Variants in ELP4 observed in about 807,000 individuals in gnomAD.
The protein encoded by ELP4 is elongator complex protein 4.
In ELP4, 51 loss-of-function variants were observed where a neutral mutation model predicts 48.9. The observed-to-expected ratio is 1.04, with a 90% CI of 0.83 to 1.32. The LOEUF is 1.32. Ranked by LOEUF, ELP4 falls within the 40% of genes most tolerant of loss-of-function variation. The pLI is 0.00. For missense variants in ELP4, 519 were observed against 514.6 expected (o/e 1.01, Z -0.08); for synonymous variants, 210 against 189.2 (o/e 1.11, Z -0.90).
chr11:31,660,169 T>C (rs1052257405), intron 9 of ELP4, among the ~76,000 whole-genome samples: 2 of 152,182 alleles, frequency 1.3e-5, no homozygotes, highest in Admixed American at 6.6e-5. Flanking sequence ...AAGGCATTAT[T>C]ATAGTGTAGA....
intron 9 of ELP4, among the ~76,000 whole-genome samples, chr11:31,701,289 T>G (rs550623785): frequency 1.3e-5 from 2 of 152,280 alleles, no homozygotes; most frequent in South Asian, 4.1e-4. Flanking sequence ...AAAGTCCATT[T>G]TGAGGACTTA....
rs183466749 is a variant in ELP4 at position 31,559,844 on chromosome 11, G to A, written c.381+20061G>A. Among the ~76,000 whole-genome samples the A allele has an allele frequency of 2.3e-3, 355 of 151,382 alleles. 2 individuals carry two copies. Among genetic ancestry groups the A allele is most frequent in the Non-Finnish European group, 3.8e-3 (259 of 67,838 alleles). ...CTTGAATCCAGGAGGCAGAGGTTGC[G>A]GCGAGCTGAGATTGCGCCATTGCAC... On this transcript the variant is annotated intron_variant, in intron 3 of 9. Coordinates refer to ENST00000640961, the MANE Select transcript of ELP4 (RefSeq NM_019040.5).
At chr11:31,548,639 A>G (rs1445773206) in intron 3 of ELP4, among the ~76,000 whole-genome samples, 2 of 152,314 alleles carry the variant, frequency 1.3e-5, no homozygotes, top group Non-Finnish European at 2.9e-5. Flanking sequence ...AAACTACTTT[A>G]AAGTTCATAT....
chr11:31,781,249 A>G (rs757391801), intron 9 of ELP4, among the ~76,000 whole-genome samples: 2 of 152,164 alleles, frequency 1.3e-5, no homozygotes, highest in Non-Finnish European at 2.9e-5. Context: ...AAGTATATAC[A>G]TGCACGTTTC....
chr11:31,648,681 T>A (rs563074946), intron 8 of ELP4: 19 of 151,738 alleles, frequency 1.3e-4, no homozygotes, highest in African/African-American at 4.1e-4. Context: ...TGAAGCCTGC[T>A]ACCAGATTTT....
Position 31,516,834 on chromosome 11 carries a change from T to A in ELP4, c.224-3222T>A, listed in dbSNP as rs149504034. ...CTATCATGATGTACATTTCAGCTTA[T>A]GTTTATCTTTTCATCTGAAGATAAA... On this transcript the variant is annotated intron_variant, in intron 1 of 9. Transcript: ENST00000640961. 6.9e-3 allele frequency among the ~76,000 whole-genome samples: 1,045 copies of A among 152,294 alleles called. 15 individuals carry two copies. Among genetic ancestry groups the A allele is most frequent in the African/African-American group, 0.022 (904 of 41,572 alleles).
Position 31,618,298 on chromosome 11 carries a change from C to A in ELP4, c.654-8812C>A, listed in dbSNP as rs541964587. Among the ~76,000 whole-genome samples the A allele has an allele frequency of 3.3e-5, 5 of 152,194 alleles. No individual in the cohort carries two copies. The East Asian group carries it at 9.7e-4, about 29-fold the overall frequency. On this transcript the variant is annotated intron_variant, in intron 5 of 9. Coordinates refer to ENST00000640961, the MANE Select transcript of ELP4 (RefSeq NM_019040.5). ...ATGTATAAACAATAGAAATTTATTT[C>A]TCATAGTTCTGAAAGTTTGAAAGCC...
chr11:31,536,099 T>C (rs1337960653), intron 2 of ELP4, among the ~76,000 whole-genome samples: 1 of 152,208 alleles, frequency 6.6e-6, no homozygotes, highest in Non-Finnish European at 1.5e-5. Context: ...AGTTTATTTC[T>C]TTTTATTGCT....
At chr11:31,554,826 A>G (rs543713940) in intron 3 of ELP4, among the ~76,000 whole-genome samples, 1 of 152,266 alleles carries the variant, frequency 6.6e-6, no homozygotes, top group African/African-American at 2.4e-5. Flanking sequence ...ATTATGCTTT[A>G]TCTTGTGCAT....
At chr11:31,636,574 A>C (rs1944981416) in intron 7 of ELP4, among the ~76,000 whole-genome samples, 1 of 151,984 alleles carries the variant, frequency 6.6e-6, no homozygotes, top group South Asian at 2.1e-4. Flanking sequence ...ATAGTTAAGG[A>C]AATTGCAAAG....
intron 9 of ELP4, among the ~76,000 whole-genome samples, chr11:31,733,922 A>G (rs1391658746): frequency 1.3e-5 from 2 of 152,188 alleles, no homozygotes; most frequent in Non-Finnish European, 2.9e-5. Flanking sequence ...AGAAAATAAA[A>G]CTGTAGGCCA....
chr11:31,769,153 G>A (rs1317403347), intron 9 of ELP4, among the ~76,000 whole-genome samples: 1 of 152,086 alleles, frequency 6.6e-6, no homozygotes, highest in African/African-American at 2.4e-5. Context: ...AAATGTGGGG[G>A]TCTCAAAGTA....
chr11:31,602,950 A>G (rs1021123900), intron 4 of ELP4, among the ~76,000 whole-genome samples: 3 of 151,972 alleles, frequency 2.0e-5, no homozygotes, highest in African/African-American at 7.2e-5. Flanking sequence ...GAATGAAAGA[A>G]ATTAGCTCAA....
intron 9 of ELP4, chr11:31,654,572 T>A (rs1945388437): frequency 6.6e-6 from 1 of 151,836 alleles, no homozygotes; most frequent in African/African-American, 2.4e-5. Context: ...GATTTATAAT[T>A]ATATTGCCAT....
chr11:31,649,938 C>T (rs1168535544), intron 8 of ELP4, 177 bp from the exon 9 acceptor site: 2 of 420,612 alleles, frequency 4.8e-6, no homozygotes, highest in African/African-American at 2.1e-5. Flanking sequence ...TCTTATTCTG[C>T]TTGATTACTT....
intron 5 of ELP4, among the ~76,000 whole-genome samples, chr11:31,622,107 A>C (rs1197912253): frequency 6.6e-6 from 1 of 151,906 alleles, no homozygotes; most frequent in Non-Finnish European, 1.5e-5. Flanking sequence ...CAAACACTTT[A>C]TCAGTTGATA....
chr11:31,618,078 C>T (rs1281585550), intron 5 of ELP4, among the ~76,000 whole-genome samples: 1 of 151,894 alleles, frequency 6.6e-6, no homozygotes, highest in Non-Finnish European at 1.5e-5. Context: ...GGAAACAACC[C>T]AGATGTCCCT....
At chr11:31,664,882 G>A (rs1945638399) in intron 9 of ELP4, among the ~76,000 whole-genome samples, 1 of 152,050 alleles carries the variant, frequency 6.6e-6, no homozygotes, top group South Asian at 2.1e-4. Context: ...ACAGAAACAT[G>A]TTTTAAATAT....
chr11:31,741,897 A>C (rs1217411026), intron 9 of ELP4, among the ~76,000 whole-genome samples: 1 of 152,208 alleles, frequency 6.6e-6, no homozygotes, highest in Non-Finnish European at 1.5e-5. Context: ...CTGGACAGAG[A>C]ATGACTCTGA....
Sources: allele counts gnomAD v4.1 joint callset (sites outside exome capture counted in the v4.1 genomes callset), GRCh38; gene constraint gnomAD v4.1.1; transcripts MANE v1.5; gene names NCBI Gene and HGNC (gene_info 2026-07-23, HGNC 2026-07-21).